KLF13: variants seen among roughly 807,000 people sequenced by gnomAD.
KLF13 encodes Krueppel-like factor 13.
In KLF13, 8 loss-of-function variants were observed where a neutral mutation model predicts 16.7. That is an observed-to-expected ratio of 0.48 (90% CI 0.28 to 0.87). KLF13 has a LOEUF of 0.87. Among genes scored for constraint, KLF13 ranks in the 40% least tolerant of loss-of-function variants. KLF13 has a pLI of 0.10. For synonymous variants in KLF13, 245 were observed against 208.4 expected, an observed-to-expected ratio of 1.18 and a Z score of -1.51; for missense variants, 447 against 452.2, an observed-to-expected ratio of 0.99 and a Z score of 0.10.
intron 1 of KLF13, among the ~76,000 whole-genome samples, chr15:31,348,409 G>T (rs1250420044): frequency 1.3e-5 from 2 of 152,222 alleles, no homozygotes; most frequent in Admixed American, 1.3e-4. Context: ...TTTTATTGAA[G>T]TATACGTGTG....
intron 1 of KLF13, among the ~76,000 whole-genome samples, chr15:31,355,153 C>A (rs921646472): frequency 6.6e-6 from 1 of 152,114 alleles, no homozygotes; most frequent in Non-Finnish European, 1.5e-5. Context: ...CAACAACAAC[C>A]GAAACAATCA....
At chr15:31,339,942 C>G (rs1177925672) in intron 1 of KLF13, 5 of 702,246 alleles carry the variant, frequency 7.1e-6, no homozygotes, top group Non-Finnish European at 5.2e-6. Context: ...CTCTGCCCAC[C>G]CATGGATTAT....
chr15:31,361,302 G>C (rs1353476560), intron 1 of KLF13, among the ~76,000 whole-genome samples: 5 of 152,094 alleles, frequency 3.3e-5, no homozygotes, highest in South Asian at 2.1e-4. Flanking sequence ...CTTTCTTCCC[G>C]GTGTAGCCTA....
chr15:31,389,394 T>G (rs2039832703), upstream of KLF13, among the ~76,000 whole-genome samples: 1 of 152,214 alleles, frequency 6.6e-6, no homozygotes, highest in Non-Finnish European at 1.5e-5. Context: ...AAGTTTTATG[T>G]GGATTCTTGA....
At chr15:31,359,123 A>T (rs2039343580) in intron 1 of KLF13, among the ~76,000 whole-genome samples, 1 of 152,136 alleles carries the variant, frequency 6.6e-6, no homozygotes, top group African/African-American at 2.4e-5. Context: ...ACAATCCATG[A>T]TCTGGAAGCT....
downstream of KLF13, among the ~76,000 whole-genome samples, chr15:31,407,027 C>T (rs955267909): frequency 3.9e-5 from 6 of 152,170 alleles, no homozygotes; most frequent in Non-Finnish European, 5.9e-5. Flanking sequence ...ATAACATATT[C>T]GTAGGTTCCA....
chr15:31,388,985 C>T (rs183342248), upstream of KLF13, among the ~76,000 whole-genome samples: 1 of 151,912 alleles, frequency 6.6e-6, no homozygotes, highest in East Asian at 1.9e-4. Context: ...TGACAAAATA[C>T]ACTGGCTTCC....
intron 1 of KLF13, among the ~76,000 whole-genome samples, chr15:31,342,691 G>A (rs1481508888): frequency 2.0e-5 from 3 of 152,162 alleles, no homozygotes; most frequent in East Asian, 1.9e-4. Context: ...GGCCATCTGC[G>A]GATATATGTA....
chr15:31,397,324 C>A (rs1187098643), intron 2 of KLF13, among the ~76,000 whole-genome samples: 2 of 152,166 alleles, frequency 1.3e-5, no homozygotes. Flanking sequence ...CCACGCCCAG[C>A]GCCAGCATAA....
chr15:31,344,243 C>T (rs2039076868), intron 1 of KLF13, among the ~76,000 whole-genome samples: 1 of 152,254 alleles, frequency 6.6e-6, no homozygotes, highest in South Asian at 2.1e-4. Flanking sequence ...ATCCACCCCT[C>T]CAGCCTGTGT....
chr15:31,408,334 C>T (rs2040152123), downstream of KLF13, among the ~76,000 whole-genome samples: 1 of 152,150 alleles, frequency 6.6e-6, no homozygotes, highest in Non-Finnish European at 1.5e-5. Context: ...CTTCCTGTTC[C>T]TGGTGGTATA....
intron 1 of KLF13, chr15:31,393,292 T>C (rs2039901038): frequency 6.6e-6 from 1 of 152,462 alleles, no homozygotes; most frequent in East Asian, 1.9e-4. Flanking sequence ...GGCCTTTGCA[T>C]TTCCCGGTCC....
intron 1 of KLF13, among the ~76,000 whole-genome samples, chr15:31,383,932 AAT>A (rs970752742): frequency 1.7e-4 from 26 of 152,112 alleles, no homozygotes; most frequent in African/African-American, 6.3e-4. Flanking sequence ...AATAAAATAA[AAT>A]AAAAATATCA....
At chr15:31,432,452 C>CT (rs35966086) in intron 1 of KLF13, among the ~76,000 whole-genome samples, 155 of 115,196 alleles carry the variant, frequency 1.3e-3, no homozygotes, top group African/African-American at 3.0e-3. Flanking sequence ...TCTTTCTTTC[C>CT]TTTTTTTTTT....
At chr15:31,408,576 T>C (rs1188719655), downstream of KLF13, among the ~76,000 whole-genome samples, 1 of 152,210 alleles carries the variant, frequency 6.6e-6, no homozygotes, top group Non-Finnish European at 1.5e-5. Flanking sequence ...CCTGACTAGA[T>C]TAATAGAACC....
intron 2 of KLF13, among the ~76,000 whole-genome samples, chr15:31,394,460 C>T (rs1460354637): frequency 6.6e-6 from 1 of 150,890 alleles, no homozygotes; most frequent in East Asian, 1.9e-4. Flanking sequence ...GCCCTCCAGC[C>T]TGGGTGACAG....
At chr15:31,336,217 T>A (rs1439757483) in intron 1 of KLF13, among the ~76,000 whole-genome samples, 1 of 152,208 alleles carries the variant, frequency 6.6e-6, no homozygotes, top group Non-Finnish European at 1.5e-5. Context: ...GGGGCCACCA[T>A]CCTTTCCCGG....
At chr15:31,328,389 A>T (rs1281077099) in intron 1 of KLF13, among the ~76,000 whole-genome samples, 1 of 151,706 alleles carries the variant, frequency 6.6e-6, no homozygotes, top group Non-Finnish European at 1.5e-5. Flanking sequence ...AACCAAAGTC[A>T]GCGGCGGCGC....
At chr15:31,331,724 T>C (rs2038837370) in intron 1 of KLF13, among the ~76,000 whole-genome samples, 1 of 152,048 alleles carries the variant, frequency 6.6e-6, no homozygotes, top group Admixed American at 6.5e-5. Context: ...GTTGTGAAAC[T>C]CCTCAAACAA....
Sources: allele counts gnomAD v4.1 joint callset (sites outside exome capture counted in the v4.1 genomes callset), GRCh38; gene constraint gnomAD v4.1.1; transcripts MANE v1.5; gene names NCBI Gene and HGNC (gene_info 2026-07-23, HGNC 2026-07-21).